Variants in NFKBIZ observed in about 807,000 individuals in gnomAD.
The protein encoded by NFKBIZ is NF-kappa-B inhibitor zeta.
NFKBIZ carries 19 observed loss-of-function variants against 76.8 expected under a neutral mutation model. The observed-to-expected ratio is 0.25, with a 90% confidence interval of 0.17 to 0.36. NFKBIZ has a LOEUF of 0.36. Among genes scored for constraint, NFKBIZ ranks in the 10% least tolerant of loss-of-function variants. The pLI is 1.00. For missense variants in NFKBIZ, 829 were observed against 910.9 expected (o/e 0.91, Z 1.16); for synonymous variants, 368 against 354.8 (o/e 1.04, Z -0.42).
At position 101,835,466 on chromosome 3, in the gene NFKBIZ, G is replaced by A. The variant is rs556458191; in HGVS notation, c.-12+5778G>A. 2.8e-4 allele frequency among the ~76,000 whole-genome samples: 43 copies of A among 152,292 alleles called. No individual in the cohort carries two copies. The East Asian group carries it at 4.6e-3, about 16-fold the overall frequency. ...CCACAGGCTGCGTGGCTTAAACAAC[G>A]GAAATCTGTTTCTCACTGTTCTGGG... On this transcript the variant is annotated intron_variant, in intron 2 of 12. Transcript: ENST00000394054.
Position 101,855,805 on chromosome 3 carries a change from C to G in NFKBIZ, c.1727C>G (p.Pro576Arg). Residue 576 changes from proline (P) to arginine (R), a missense_variant, in exon 9 of 12, where the codon CCT becomes CGT. By Grantham distance (103) the Pro-to-Arg change is moderately radical (BLOSUM62 -2). This residue lies in a region of NFKBIZ where 272 missense variants were observed against 384.2 expected (regional missense o/e 0.71). Transcript: ENST00000326172. The stretch of plus-strand genomic sequence containing the variant: ...CATGAACTCCAGAGAAATCAACAGC[C>G]TCATTCACCTGAAGTTCAGGAGCTT... ...VVHELQRNQQ[P>R]HSPEVQELLL... is the part of the protein sequence containing the mutation. 2.5e-6 allele frequency: 4 copies of G among 1,614,062 alleles called. No individual in the cohort carries two copies. Among genetic ancestry groups the G allele is most frequent in the Non-Finnish European group, 3.4e-6 (4 of 1,179,988 alleles).
At chr3:101,843,536 T>C (rs774656709) in intron 2 of NFKBIZ, among the ~76,000 whole-genome samples, 2 of 152,222 alleles carry the variant, frequency 1.3e-5, no homozygotes, top group Non-Finnish European at 2.9e-5. Flanking sequence ...AAGGAAGAAA[T>C]AGCTTAATAG....
At chr3:101,854,219 C>T (rs1207284124) in intron 5 of NFKBIZ, among the ~76,000 whole-genome samples, 2 of 152,120 alleles carry the variant, frequency 1.3e-5, no homozygotes, top group Non-Finnish European at 2.9e-5. Flanking sequence ...TTAATCTGTC[C>T]TGATGTCTTT....
chr3:101,856,876 A>C, intron 9 of NFKBIZ, 197 bp from the exon 10 acceptor site: 1 of 519,480 alleles, frequency 1.9e-6, no homozygotes, highest in Non-Finnish European at 3.4e-6. Flanking sequence ...AGGCATATAG[A>C]CAAATTAATA....
At chr3:101,844,515 A>G (rs2107405310), upstream of NFKBIZ, among the ~76,000 whole-genome samples, 1 of 152,354 alleles carries the variant, frequency 6.6e-6, no homozygotes, top group South Asian at 2.1e-4. Flanking sequence ...TTCAGGATAA[A>G]TGATGAGATT....
At chr3:101,846,035 TAC>T (rs1336032556), upstream of NFKBIZ, among the ~76,000 whole-genome samples, 1 of 152,230 alleles carries the variant, frequency 6.6e-6, no homozygotes, top group African/African-American at 2.4e-5. Flanking sequence ...ATATTTCGTA[TAC>T]AGTTTTTGTG....
chr3:101,828,229 T>C (rs950948341), intron 1 of NFKBIZ: 34 of 152,194 alleles, frequency 2.2e-4, no homozygotes, highest in African/African-American at 8.0e-4. Flanking sequence ...TCTTAAATGG[T>C]AAGATTTTTT....
intron 11 of NFKBIZ, chr3:101,858,538 T>C: frequency 5.5e-6 from 4 of 731,202 alleles, no homozygotes; most frequent in Non-Finnish European, 6.7e-6. Context: ...GCCATTTAAC[T>C]CTTCATTAAA....
chr3:101,853,849 T>C lies in NFKBIZ; in HGVS notation c.1323T>C (p.Asp441=), dbSNP rs776362122. ...NISQDQFLSK[D]ADGDTFLHIA... is the part of the protein sequence containing the mutation. ...CCCAAGACCAGTTTCTTTCAAAGGA[T>C]GCAGATGGTGACACGTGAGTATTCT... The change falls in exon 5 of 12, where the codon GAT becomes GAC. Residue 441 remains aspartate, a synonymous_variant. Transcript: ENST00000326172. The C allele has an allele frequency of 3.7e-6, 6 of 1,612,700 alleles. No homozygotes were observed. The Admixed American group carries it at 6.7e-5, about 18-fold the overall frequency.
chr3:101,849,706 G>T lies in NFKBIZ; in HGVS notation c.78G>T (p.Met26Ile), dbSNP rs753252484. Residue 26 changes from methionine (M) to isoleucine (I), a missense_variant, in exon 1 of 12, where the codon ATG becomes ATT. Met to Ile is a conservative substitution (Grantham distance 10). Transcript: ENST00000326172. ...LRDAAGGCGL[M>I]TSPLNLSYFY... Reference sequence around the variant, plus strand: ...ACGCGGCGGGCGGCTGCGGCCTCATGACCAGCCCGCTCAACCTGAGCTACT... The same window carrying T: ...ACGCGGCGGGCGGCTGCGGCCTCATTACCAGCCCGCTCAACCTGAGCTACT... 2.1e-6 allele frequency: 3 copies of T among 1,431,822 alleles called. No individual in the cohort carries two copies. Among genetic ancestry groups the T allele is most frequent in the Non-Finnish European group, 2.7e-6 (3 of 1,098,596 alleles). The allele number at this position is 1,431,822 out of a possible 1,614,324, so 88.7% of individuals were successfully genotyped here. A position where few individuals can be genotyped will look rare whatever the true frequency, so the allele number is the denominator to read the frequency against.
At chr3:101,847,556 A>C (rs1221816967), upstream of NFKBIZ, among the ~76,000 whole-genome samples, 1 of 152,214 alleles carries the variant, frequency 6.6e-6, no homozygotes, top group African/African-American at 2.4e-5. Flanking sequence ...CTAGCCTGCT[A>C]GTCACCTAGG....
At chr3:101,854,948 A>G in intron 6 of NFKBIZ, 114 bp from the exon 7 acceptor site, 4 of 1,195,514 alleles carry the variant, frequency 3.3e-6, no homozygotes, top group Non-Finnish European at 4.6e-6. Flanking sequence ...TTGCTTATTC[A>G]AAGGATTTAT....
chr3:101,856,986 C>A, intron 9 of NFKBIZ, 87 bp from the exon 10 acceptor site: 1 of 917,514 alleles, frequency 1.1e-6, no homozygotes, highest in Non-Finnish European at 1.7e-6. Flanking sequence ...CTGAATCAGA[C>A]ATTCAGGAGA....
At position 101,860,913 on chromosome 3, in the gene NFKBIZ, T is replaced by C. The variant is rs1943125388; in HGVS notation, c.*1542T>C. 1 of 152,168 alleles carries C rather than the reference T, an allele frequency of 6.6e-6. No homozygotes were observed. The highest frequency in any genetic ancestry group is 2.4e-5 in the African/African-American group (1 of 41,452). The allele number at this position is 152,168 out of a possible 1,614,324, so 9.4% of individuals were successfully genotyped here. On this transcript the variant is annotated 3_prime_UTR_variant, in exon 12 of 12. Coordinates refer to ENST00000326172, the MANE Select transcript of NFKBIZ (RefSeq NM_031419.4). ...ATCACATTGTTTGACCCAGTATGTC[T>C]TGTAGACACGTTAGTTATAATCACC...
upstream of NFKBIZ, among the ~76,000 whole-genome samples, chr3:101,847,527 T>G (rs759967135): frequency 5.3e-5 from 8 of 152,216 alleles, no homozygotes; most frequent in Non-Finnish European, 8.8e-5. Context: ...TGGAATGCAC[T>G]TGCACAAACC....
In NFKBIZ at chr3:101,857,960, T is replaced by C. The variant is rs890632541; in HGVS notation, c.2103+501T>C. The C allele has an allele frequency of 6.6e-5, 55 of 830,862 alleles. No homozygotes were observed. The Admixed American group carries it at 9.4e-4, about 14-fold the overall frequency. 51.5% of individuals were successfully genotyped at this position (830,862 alleles called of 1,614,324 possible). On this transcript the variant is annotated intron_variant, in intron 11 of 11. Coordinates refer to ENST00000326172, the MANE Select transcript of NFKBIZ (RefSeq NM_031419.4). The stretch of plus-strand genomic sequence containing the variant: ...GAACAAAAAATGGAAAAATTACTTA[T>C]GTAATTTCAAACCTAGAAATATTTT...
intron 2 of NFKBIZ, among the ~76,000 whole-genome samples, chr3:101,833,776 G>T (rs1008174925): frequency 6.6e-6 from 1 of 152,188 alleles, no homozygotes; most frequent in South Asian, 2.1e-4. Context: ...GTATTGAACA[G>T]TATCCAGCAT....
Position 101,850,717 on chromosome 3 carries a change from G to T in NFKBIZ, c.289+800G>T, listed in dbSNP as rs1169928303. 1.1e-4 allele frequency among the ~76,000 whole-genome samples: 16 copies of T among 152,268 alleles called. No individual in the cohort carries two copies. The South Asian group carries it at 2.7e-3, about 26-fold the overall frequency. ...AGTAATTAGCATGATTTTAAAGAAC[G>T]TCTCTTTCCGGTGTTTCCCACTCTT... is the stretch of plus-strand genomic sequence containing the variant. On this transcript the variant is annotated intron_variant, in intron 1 of 11. Coordinates refer to ENST00000326172, the MANE Select transcript of NFKBIZ (RefSeq NM_031419.4).
chr3:101,854,500 G>T, intron 5 of NFKBIZ, 78 bp from the exon 6 acceptor site: 3 of 824,688 alleles, frequency 3.6e-6, no homozygotes, highest in South Asian at 3.2e-5. Context: ...GCTAAAGGAA[G>T]ATTTTTTTTT....
Sources: allele counts gnomAD v4.1 joint callset (sites outside exome capture counted in the v4.1 genomes callset), GRCh38; gene constraint gnomAD v4.1.1; regional missense constraint gnomAD v4.1.1; transcripts MANE v1.5; gene names NCBI Gene and HGNC (gene_info 2026-07-23, HGNC 2026-07-21).